VIPR2: variants seen among roughly 807,000 people sequenced by gnomAD.
The protein encoded by VIPR2 is vasoactive intestinal peptide receptor 2.
A neutral mutation model predicts 58.0 loss-of-function variants in VIPR2; 48 were observed. The ratio of observed to expected loss-of-function variants is 0.83; its 90% confidence interval spans 0.66 to 1.05. The LOEUF (loss-of-function observed/expected upper bound fraction) is 1.05. VIPR2 is among the 50% of genes least tolerant of loss of function. The pLI is 0.00. For synonymous variants in VIPR2, 243 were observed against 235.2 expected, an observed-to-expected ratio of 1.03 and a Z score of -0.30; for missense variants, 534 against 558.0, an observed-to-expected ratio of 0.96 and a Z score of 0.43.
chr7:159,048,583 A>G lies in VIPR2; in HGVS notation c.456-5407T>C, dbSNP rs372690265. Among the ~76,000 whole-genome samples, 10 of 152,370 alleles carry G rather than the reference A, an allele frequency of 6.6e-5. No individual in the cohort carries two copies. The South Asian group carries it at 1.9e-3, about 28-fold the overall frequency. On this transcript the variant is annotated intron_variant, in intron 5 of 12. Transcript: ENST00000262178. ...CTGAACACAAGAATGTAAATAGCTC[A>G]TTAATATTTTTATACTGATTACATA... is the stretch of plus-strand genomic sequence containing the variant.
Position 159,128,547 on chromosome 7 carries a change from T to C in VIPR2, c.151+13899A>G, listed in dbSNP as rs1462849992. Among the ~76,000 whole-genome samples, 1 of 152,104 alleles carries C rather than the reference T, an allele frequency of 6.6e-6. No individual in the cohort carries two copies. The highest frequency in any genetic ancestry group is 2.4e-5 in the African/African-American group (1 of 41,436). ...CTTTGGCAGTCCCTACCAGAGGCAC[T>C]TTCCTCGCCTCTGACCCTGCCTTCT... On this transcript the variant is annotated intron_variant, in intron 2 of 12. Coordinates refer to ENST00000262178, the MANE Select transcript of VIPR2 (RefSeq NM_003382.5). This position sits in a 1 kb window ranked among gnomAD's most constrained non-coding sequence, Gnocchi z 4.1.
rs1854948006 is a variant in VIPR2, at chr7:159,050,663, T to G, written c.456-7487A>C. Among the ~76,000 whole-genome samples, 3 of 152,018 alleles carry G rather than the reference T, an allele frequency of 2.0e-5. No homozygotes were observed. The South Asian group carries it at 6.2e-4, about 31-fold the overall frequency. ...TGAAAAATATAGGAAAAAATAGTAA[T>G]ATAATACATGGGAAATGTAGTTTTA... On this transcript the variant is annotated intron_variant, in intron 5 of 12. Transcript: ENST00000262178.
chr7:159,132,429 A>G (rs1274914742), intron 2 of VIPR2, among the ~76,000 whole-genome samples: 1 of 149,736 alleles, frequency 6.7e-6, no homozygotes, highest in East Asian at 2.0e-4. Context: ...ATCCAGAGTG[A>G]AACTGGGTGT....
chr7:159,035,856 C>T (rs2129492977), intron 8 of VIPR2, 96 bp downstream of exon 8: 1 of 1,520,792 alleles, frequency 6.6e-7, no homozygotes, highest in East Asian at 2.4e-5. Flanking sequence ...CGCTCCCTGT[C>T]CTTCCAACCA....
chr7:159,096,790 G>T lies in VIPR2; in HGVS notation c.357+6967C>A. The T allele has an allele frequency of 7.0e-7, 1 of 1,422,656 alleles. No homozygotes were observed. The highest frequency in any genetic ancestry group is 9.2e-7 in the Non-Finnish European group (1 of 1,082,158). The allele number at this position is 1,422,656 out of a possible 1,614,324, so 88.1% of individuals were successfully genotyped here. ...TCTGCCCCTGCCTGAGGTCAGTCTCGTGGCCCCCGCAGCAGCCACAGGCCC... is the reference window on the plus strand; with the variant it reads ...TCTGCCCCTGCCTGAGGTCAGTCTCTTGGCCCCCGCAGCAGCCACAGGCCC... On this transcript the variant is annotated intron_variant, in intron 4 of 12. Coordinates refer to ENST00000262178, the MANE Select transcript of VIPR2 (RefSeq NM_003382.5). This position sits in a 1 kb window ranked among gnomAD's most constrained non-coding sequence, Gnocchi z 5.5.
chr7:159,122,688 ATC>A (rs1427336736), intron 2 of VIPR2, among the ~76,000 whole-genome samples: 14 of 151,218 alleles, frequency 9.3e-5, no homozygotes, highest in African/African-American at 3.4e-4. Context: ...GGAGGTTTCC[ATC>A]TGAGCTCTAA....
At position 159,095,891 on chromosome 7, in the gene VIPR2, G is replaced by A. The variant is rs1248058170; in HGVS notation, c.357+7866C>T. ...TTTCCACACTTTCTTCAATACAGTT[G>A]TTTCTGAGGACCATAAATGCTGAGT... is the stretch of plus-strand genomic sequence containing the variant. On this transcript the variant is annotated intron_variant, in intron 4 of 12. Coordinates refer to ENST00000262178, the MANE Select transcript of VIPR2 (RefSeq NM_003382.5). This position sits in a 1 kb window ranked among gnomAD's most constrained non-coding sequence, Gnocchi z 5.2. Among the ~76,000 whole-genome samples, 3 of 152,058 alleles carry A rather than the reference G, an allele frequency of 2.0e-5. No individual in the cohort carries two copies. Among genetic ancestry groups the A allele is most frequent in the Non-Finnish European group, 2.9e-5 (2 of 68,020 alleles).
intron 3 of VIPR2, among the ~76,000 whole-genome samples, chr7:159,108,103 G>A (rs553261493): frequency 6.6e-6 from 1 of 152,332 alleles, no homozygotes; most frequent in South Asian, 2.1e-4. Flanking sequence ...CATGTGTAGA[G>A]TGTTCTGTAG....
chr7:159,039,712 C>A (rs113500231), intron 6 of VIPR2, among the ~76,000 whole-genome samples: 1 of 152,130 alleles, frequency 6.6e-6, no homozygotes, highest in African/African-American at 2.4e-5. Context: ...GGTGGTGCCT[C>A]GGTCTCAGGC....
rs954555617 is a variant in VIPR2 at position 159,097,751 on chromosome 7, T to G, written c.357+6006A>C. Among the ~76,000 whole-genome samples the G allele has an allele frequency of 2.0e-5, 3 of 152,176 alleles. No individual in the cohort carries two copies. The highest frequency in any genetic ancestry group is 7.2e-5 in the African/African-American group (3 of 41,448). On this transcript the variant is annotated intron_variant, in intron 4 of 12. Coordinates refer to ENST00000262178, the MANE Select transcript of VIPR2 (RefSeq NM_003382.5). The surrounding 1 kb of genome is among the most constrained non-coding windows in gnomAD (Gnocchi z 5.3). ...GAAGCTGAGCAGCAATTGTAGCCAG[T>G]TGGGACACACAGACCAAGATTTCTG...
intron 5 of VIPR2, among the ~76,000 whole-genome samples, chr7:159,053,828 G>A (rs1439390422): frequency 2.0e-5 from 3 of 152,334 alleles, no homozygotes; most frequent in East Asian, 1.9e-4. Context: ...GATCACAGGC[G>A]TGAGCCAATG....
chr7:159,137,374 C>CT (rs1180717990), intron 2 of VIPR2, among the ~76,000 whole-genome samples: 1 of 152,122 alleles, frequency 6.6e-6, no homozygotes, highest in Non-Finnish European at 1.5e-5. Context: ...AAAGACATTA[C>CT]TTTAAAAAAA....
chr7:159,101,688 C>T (rs1419249000), intron 4 of VIPR2, among the ~76,000 whole-genome samples: 1 of 141,634 alleles, frequency 7.1e-6, no homozygotes, highest in African/African-American at 2.8e-5. Flanking sequence ...ACGGGTCTCA[C>T]GAGATCCGAC....
intron 4 of VIPR2, among the ~76,000 whole-genome samples, chr7:159,092,164 A>G (rs7797488): frequency 6.6e-6 from 1 of 152,122 alleles, no homozygotes; most frequent in Non-Finnish European, 1.5e-5. Context: ...ACCTGCACAG[A>G]CTGCCCACCT....
chr7:159,093,505 T>C lies in VIPR2; in HGVS notation c.357+10252A>G, dbSNP rs940204680. On this transcript the variant is annotated intron_variant, in intron 4 of 12. Transcript: ENST00000262178. This position sits in a 1 kb window ranked among gnomAD's most constrained non-coding sequence, Gnocchi z 6.7. ...CTCACTCAGGGGAGATTTTTAAAAA[T>C]AGTCTTATTTCTCACAAAAATAACC... Among the ~76,000 whole-genome samples, 1 of 152,154 alleles carries C rather than the reference T, an allele frequency of 6.6e-6. No homozygotes were observed. The highest frequency in any genetic ancestry group is 2.4e-5 in the African/African-American group (1 of 41,438).
At chr7:159,053,723 G>C (rs1323768210) in intron 5 of VIPR2, among the ~76,000 whole-genome samples, 2 of 152,098 alleles carry the variant, frequency 1.3e-5, no homozygotes, top group Non-Finnish European at 2.9e-5. Context: ...TTTTGTTGTA[G>C]AGACTGTAGA....
chr7:159,120,615 C>T (rs1227692081), intron 2 of VIPR2, among the ~76,000 whole-genome samples: 2 of 152,234 alleles, frequency 1.3e-5, no homozygotes, highest in East Asian at 3.8e-4. Context: ...CCGCTGGGAA[C>T]ATGTTCCGAC....
intron 6 of VIPR2, among the ~76,000 whole-genome samples, chr7:159,040,376 CAT>C (rs1563262934): frequency 6.6e-6 from 1 of 152,256 alleles, no homozygotes; most frequent in Non-Finnish European, 1.5e-5. Flanking sequence ...AGTACGCACA[CAT>C]GTGCACGTGA....
In VIPR2 at chr7:159,095,070, T is replaced by C. The variant is rs2129495506; in HGVS notation, c.357+8687A>G. 6.6e-6 allele frequency among the ~76,000 whole-genome samples: 1 copy of C among 152,308 alleles called. No homozygotes were observed. The highest frequency in any genetic ancestry group is 1.9e-4 in the East Asian group (1 of 5,178). On this transcript the variant is annotated intron_variant, in intron 4 of 12. Transcript: ENST00000262178. The surrounding 1 kb of genome is among the most constrained non-coding windows in gnomAD (Gnocchi z 5.2). ...GAGAGGGCTGAGGTCTCTGAGGGCA[T>C]CACGGCCACAAAGATGGAGAGGGGC...
Sources: gnomAD v4.1 joint callset for allele counts (sites outside exome capture counted in the v4.1 genomes callset) on GRCh38, gnomAD v4.1.1 for gene constraint, Gnocchi (gnomAD v3.1) non-coding constraint, MANE v1.5 for transcripts, NCBI Gene and HGNC (gene_info 2026-07-23, HGNC 2026-07-21) for gene names.